Variants in LIMA1 observed in about 807,000 individuals in gnomAD.
LIMA1 encodes the protein LIM domain and actin binding 1.
In LIMA1, 52 loss-of-function variants were observed where a neutral mutation model predicts 62.6. The observed-to-expected ratio is 0.83, with a 90% CI of 0.67 to 1.05. The LOEUF is 1.05. Among genes scored for constraint, LIMA1 ranks in the 50% least tolerant of loss-of-function variants. The pLI is 0.00. For missense variants in LIMA1, 780 were observed against 902.2 expected (o/e 0.86, Z 1.74); for synonymous variants, 302 against 317.8 (o/e 0.95, Z 0.53).
intron 1 of LIMA1, among the ~76,000 whole-genome samples, chr12:50,278,909 A>G (rs1008484347): frequency 7.9e-5 from 12 of 152,186 alleles, no homozygotes; most frequent in African/African-American, 2.9e-4. Context: ...GAAAGGAAAT[A>G]TATCAAATGA....
At chr12:50,272,472 A>T (rs1048781520) in intron 1 of LIMA1, among the ~76,000 whole-genome samples, 1 of 151,516 alleles carries the variant, frequency 6.6e-6, no homozygotes, top group African/African-American at 2.4e-5. Flanking sequence ...CATGCCTGTA[A>T]TTCCAGCTAC....
chr12:50,228,958 G>A lies in LIMA1; in HGVS notation c.165+2707C>T, dbSNP rs1297786748. On this transcript the variant is annotated intron_variant, in intron 3 of 10. Coordinates refer to ENST00000341247, the MANE Select transcript of LIMA1 (RefSeq NM_016357.5). ...GCTGATCTTGAACTCCTGACCTCAA[G>A]TGATCCTTCTGCCTTGACCTCCCAA... Among the ~76,000 whole-genome samples the A allele has an allele frequency of 4.6e-5, 7 of 152,294 alleles. No individual in the cohort carries two copies. The South Asian group carries it at 8.3e-4, about 18-fold the overall frequency.
chr12:50,192,501 T>G lies in LIMA1; in HGVS notation c.1091A>C (p.Asp364Ala). The change falls in exon 9 of 11, where the codon GAT (aspartate) becomes GCT (alanine). Residue 364 changes from aspartate to alanine, a missense_variant. Transcript: ENST00000341247. ...TTCAGAAAGACTGGAGGCTCTGGAA[T>G]CTGGACTTAGTGGCTTGGGATGGAC... ...QPVHPKPLSPDSRASSLSESS... is the reference protein window; with the variant it reads ...QPVHPKPLSPASRASSLSESS... 3.7e-6 allele frequency: 6 copies of G among 1,614,152 alleles called. No individual in the cohort carries two copies. The highest frequency in any genetic ancestry group is 5.1e-6 in the Non-Finnish European group (6 of 1,179,992).
intron 4 of LIMA1, among the ~76,000 whole-genome samples, chr12:50,213,379 A>G (rs1012242884): frequency 1.3e-5 from 2 of 152,276 alleles, no homozygotes; most frequent in African/African-American, 4.8e-5. Context: ...AGATAGTGTT[A>G]TATGGTAGAA....
chr12:50,177,523 A>G lies in LIMA1; in HGVS notation c.1821T>C (p.Thr607=), dbSNP rs1282451830. 5.6e-6 allele frequency: 9 copies of G among 1,611,894 alleles called. No homozygotes were observed. The highest frequency in any genetic ancestry group is 5.9e-6 in the Non-Finnish European group (7 of 1,179,088). The change falls in exon 11 of 11, where the codon ACT becomes ACC. Residue 607 remains threonine (T), a synonymous_variant. Transcript: ENST00000341247. ...AGCCTTTCCTGATAGGTGGGGACAC[A>G]GTTTTTGGGCTCTTGACAGAGGTGC... The part of the protein sequence containing the change: ...FQSTSVKSPK[T]VSPPIRKGWS...
chr12:50,197,629 AGTT>A (rs1186381939), intron 7 of LIMA1, among the ~76,000 whole-genome samples: 1 of 152,156 alleles, frequency 6.6e-6, no homozygotes, highest in Non-Finnish European at 1.5e-5. Context: ...CTAATCTTCC[AGTT>A]CAGTTCAGAG....
intron 7 of LIMA1, among the ~76,000 whole-genome samples, chr12:50,200,363 C>A (rs559768000): frequency 6.6e-6 from 1 of 152,128 alleles, no homozygotes; most frequent in South Asian, 2.1e-4. Flanking sequence ...ACCCCCACAC[C>A]CGGCTTTTTA....
intron 7 of LIMA1, among the ~76,000 whole-genome samples, chr12:50,198,675 C>T (rs1940980458): frequency 6.6e-6 from 1 of 152,152 alleles, no homozygotes; most frequent in South Asian, 2.1e-4. Context: ...GTAACAGAAG[C>T]AATGGCTTTT....
chr12:50,224,282 T>C (rs1393509037), intron 3 of LIMA1: 1 of 152,210 alleles, frequency 6.6e-6, no homozygotes, highest in Non-Finnish European at 1.5e-5. Flanking sequence ...GAATATACTC[T>C]TGAAAGCCAC....
chr12:50,179,218 T>C (rs1940431981), intron 10 of LIMA1, among the ~76,000 whole-genome samples: 2 of 152,054 alleles, frequency 1.3e-5, no homozygotes, highest in African/African-American at 4.8e-5. Context: ...CTCAGCTCAC[T>C]GCAACCTCTG....
chr12:50,215,397 G>A (rs927161242), intron 4 of LIMA1, among the ~76,000 whole-genome samples: 3 of 152,164 alleles, frequency 2.0e-5, no homozygotes, highest in Non-Finnish European at 2.9e-5. Context: ...AAAGGGTGAT[G>A]AGTCAAAGGA....
At chr12:50,184,979 G>A (rs963394131) in intron 9 of LIMA1, among the ~76,000 whole-genome samples, 1 of 152,004 alleles carries the variant, frequency 6.6e-6, no homozygotes, top group Non-Finnish European at 1.5e-5. Flanking sequence ...TTACAGGCGT[G>A]CACCACCACA....
At chr12:50,250,290 CAAAAA>C (rs11327744) in intron 1 of LIMA1, among the ~76,000 whole-genome samples, 5 of 64,616 alleles carry the variant, frequency 7.7e-5, no homozygotes, top group Non-Finnish European at 1.2e-4. Flanking sequence ...AACTCCGTTT[CAAAAA>C]AAAAAAAAAA....
chr12:50,219,667 C>T (rs1225587622), intron 4 of LIMA1: 2 of 152,078 alleles, frequency 1.3e-5, no homozygotes, highest in African/African-American at 4.8e-5. Flanking sequence ...CCTAGAAGCC[C>T]AGGTGAATCT....
chr12:50,231,574 T>C (rs1400572715), intron 3 of LIMA1, 91 bp downstream of exon 3: 1 of 1,173,520 alleles, frequency 8.5e-7, no homozygotes, highest in African/African-American at 1.5e-5. Context: ...TCAGCTGACA[T>C]AGAACCCAAG....
In LIMA1 at chr12:50,177,954, G is replaced by A. The variant is rs780632063; in HGVS notation, c.1390C>T (p.Leu464=). 1 of 1,613,928 alleles carries A rather than the reference G, an allele frequency of 6.2e-7. No homozygotes were observed. The highest frequency in any genetic ancestry group is 1.6e-4 in the Middle Eastern group (1 of 6,062). The change falls in exon 11 of 11, where the codon CTA becomes TTA. Residue 464 remains leucine (L), a synonymous_variant. Transcript: ENST00000341247. ...TCGTTTTCATTTTTGCTTGCCCATA[G>A]ATCCTTGTGTGGTCTGTGCCCAAAG... ...EGFGHRPHKD[L]WASKNENEEI... is the part of the protein sequence containing the mutation.
intron 2 of LIMA1, among the ~76,000 whole-genome samples, chr12:50,242,110 G>A (rs1229926886): frequency 6.6e-6 from 1 of 151,202 alleles, no homozygotes; most frequent in Non-Finnish European, 1.5e-5. Context: ...TTTTTCTAGG[G>A]CCAGAAAACA....
At position 50,217,709 on chromosome 12, in the gene LIMA1, G is replaced by A. The variant is rs537147793; in HGVS notation, c.630+4312C>T. 7 of 281,130 alleles carry A rather than the reference G, an allele frequency of 2.5e-5. No individual in the cohort carries two copies. In the East Asian group the frequency reaches 7.0e-4, roughly 28 times the overall value. 17.4% of individuals were successfully genotyped at this position (281,130 alleles called of 1,614,324 possible). A position where few individuals can be genotyped will look rare whatever the true frequency, so the allele number is the denominator to read the frequency against. ...GGCAGCACCCGCAGGTCTACAGTGG[G>A]GGGAAGGTGTTCGATCCTTGTGGGC... On this transcript the variant is annotated intron_variant, in intron 4 of 10. Transcript: ENST00000341247.
chr12:50,250,452 C>T (rs538106254), intron 1 of LIMA1, among the ~76,000 whole-genome samples: 1 of 149,196 alleles, frequency 6.7e-6, no homozygotes, highest in Admixed American at 6.7e-5. Context: ...ATTAGCTGGG[C>T]GTGGTGGCAC....
Sources: gnomAD v4.1 joint callset for allele counts (sites outside exome capture counted in the v4.1 genomes callset) on GRCh38, gnomAD v4.1.1 for gene constraint, MANE v1.5 for transcripts, NCBI Gene and HGNC (gene_info 2026-07-23, HGNC 2026-07-21) for gene names.